The following TTC12 variants were observed in gnomAD, a reference collection of about 807,000 sequenced individuals.
TTC12 encodes the protein tetratricopeptide repeat domain 12, also known as tetratricopeptide repeat protein 12.
Under a neutral mutation model 90.1 loss-of-function variants are expected in TTC12, and 70 were observed. The observed-to-expected ratio is 0.78, with a 90% CI of 0.64 to 0.95. TTC12 has a LOEUF of 0.95. Among genes scored for constraint, TTC12 ranks in the 40% least tolerant of loss-of-function variants. TTC12 has a pLI of 0.00. For synonymous variants in TTC12, 296 were observed against 311.5 expected (o/e 0.95, Z 0.53); for missense variants, 819 against 846.1 (o/e 0.97, Z 0.40).
intron 21 of TTC12, among the ~76,000 whole-genome samples, chr11:113,372,462 G>A (rs1391532091): frequency 6.6e-6 from 1 of 152,178 alleles, no homozygotes; most frequent in East Asian, 1.9e-4. Context: ...CATTTGCTTA[G>A]TGTGTGTGCA....
chr11:113,326,012 C>T (rs1386400851), intron 6 of TTC12, among the ~76,000 whole-genome samples: 1 of 152,054 alleles, frequency 6.6e-6, no homozygotes, highest in Non-Finnish European at 1.5e-5. Context: ...CTGCTACCAA[C>T]ATATTTCTTC....
Position 113,366,315 on chromosome 11 carries a change from G to C in TTC12, c.*15G>C, listed in dbSNP as rs1333883679. The C allele has an allele frequency of 8.1e-6, 13 of 1,612,944 alleles. No individual in the cohort carries two copies. Among genetic ancestry groups the C allele is most frequent in the Non-Finnish European group, 1.0e-5 (12 of 1,180,012 alleles). On this transcript the variant is annotated 3_prime_UTR_variant, in exon 22 of 22. Transcript: ENST00000529221. The stretch of plus-strand genomic sequence containing the variant: ...GTGATTCTTGAGAGAGACAGGGTTT[G>C]TGTGCATTTGGGGAACACACAGATG...
chr11:113,341,963 G>A (rs369374169), intron 12 of TTC12, 38 bp downstream of exon 12: 22 of 1,548,028 alleles, frequency 1.4e-5, no homozygotes, highest in Middle Eastern at 3.4e-4. Flanking sequence ...CCATTAATGC[G>A]CTGCGTGCAG....
At chr11:113,365,155 C>A in intron 21 of TTC12, 95 bp downstream of exon 21, 1 of 1,111,290 alleles carries the variant, frequency 9.0e-7, no homozygotes, top group Non-Finnish European at 1.3e-6. Flanking sequence ...CCACACAGAA[C>A]AGTGTGGGAA....
At chr11:113,362,766 A>T (rs1950006099) in intron 19 of TTC12, among the ~76,000 whole-genome samples, 1 of 152,198 alleles carries the variant, frequency 6.6e-6, no homozygotes, top group Middle Eastern at 3.2e-3. Context: ...CTGACTTAAA[A>T]ATATATGGCC....
Position 113,352,223 on chromosome 11 carries a change from T to C in TTC12, c.1446+16T>C, listed in dbSNP as rs1555150652. The C allele has an allele frequency of 6.2e-7, 1 of 1,614,178 alleles. No homozygotes were observed. Among genetic ancestry groups the C allele is most frequent in the South Asian group, 1.1e-5 (1 of 91,090 alleles). ...GAGCCTCCTGGTATGTTAGCTTTTC[T>C]ATTCAAAATTGGTCTTTATCCTCTT... On this transcript the variant is annotated intron_variant, in intron 16 of 21. Transcript: ENST00000529221.
chr11:113,316,559 A>G (rs782040738), intron 2 of TTC12, among the ~76,000 whole-genome samples: 2 of 152,184 alleles, frequency 1.3e-5, no homozygotes, highest in African/African-American at 2.4e-5. Context: ...TTTCTTCCAT[A>G]TTTTGTATCC....
intron 10 of TTC12, among the ~76,000 whole-genome samples, chr11:113,340,443 A>G (rs559111028): frequency 1.3e-5 from 2 of 152,332 alleles, no homozygotes; most frequent in Admixed American, 1.3e-4. Context: ...CTCCTTCTCT[A>G]AACAGTCCCT....
At chr11:113,344,521 A>C in intron 13 of TTC12, 81 bp downstream of exon 13, 1 of 1,374,294 alleles carries the variant, frequency 7.3e-7, no homozygotes, top group Non-Finnish European at 1.0e-6. Context: ...CTCCCCTCCT[A>C]TCTCTGTTGT....
intron 14 of TTC12, 118 bp from the exon 15 acceptor site, chr11:113,351,121 C>G: frequency 1.1e-6 from 1 of 873,572 alleles, no homozygotes; most frequent in Non-Finnish European, 1.8e-6. Flanking sequence ...CTGAATTGTC[C>G]ATGCACACTC....
At chr11:113,363,959 T>C (rs1398362415) in intron 20 of TTC12, 32 bp downstream of exon 20, 1 of 1,465,822 alleles carries the variant, frequency 6.8e-7, no homozygotes, top group African/African-American at 1.4e-5. Context: ...GGAGCCCTTG[T>C]CCCAGAGGTT....
In TTC12 at chr11:113,340,747, T is replaced by C. The variant is rs1591568360; in HGVS notation, c.896+14T>C. ...GGTCATAAGAAGGTAGGGATGTTCA[T>C]AGAGACAGCCCAGCAGCAAAGCAAG... On this transcript the variant is annotated intron_variant, in intron 11 of 21. Transcript: ENST00000529221. 3 of 1,605,756 alleles carry C rather than the reference T, an allele frequency of 1.9e-6. No homozygotes were observed. Among genetic ancestry groups the C allele is most frequent in the South Asian group, 1.1e-5 (1 of 90,902 alleles).
At position 113,364,872 on chromosome 11, in the gene TTC12, T is replaced by A. The variant is rs1950123636; in HGVS notation, c.1854T>A (p.Asp618Glu). The change falls in exon 21 of 22, where the codon GAT (aspartate) becomes GAA (glutamate). Residue 618 changes from aspartate to glutamate, a missense_variant. By Grantham distance (45) the Asp-to-Glu change is conservative. Coordinates refer to ENST00000529221, the MANE Select transcript of TTC12 (RefSeq NM_017868.4). ...SVMMKLLSSE[D>E]EVLVGNAALC... ...TGATGAAGCTGCTCAGCTCGGAGGA[T>A]GAGGTTCTGGTGGGCAACGCTGCCC... 1 of 1,614,190 alleles carries A rather than the reference T, an allele frequency of 6.2e-7. No homozygotes were observed. The highest frequency in any genetic ancestry group is 8.5e-7 in the Non-Finnish European group (1 of 1,180,014).
intron 16 of TTC12, among the ~76,000 whole-genome samples, chr11:113,356,460 A>G (rs914932855): frequency 3.3e-5 from 5 of 152,136 alleles, no homozygotes; most frequent in Non-Finnish European, 2.9e-5. Flanking sequence ...TAGTATTGCT[A>G]TGTGTGGATT....
chr11:113,344,574 T>G, intron 13 of TTC12, 134 bp downstream of exon 13: 2 of 934,798 alleles, frequency 2.1e-6, no homozygotes, highest in South Asian at 3.4e-5. Flanking sequence ...TTGACAAGAG[T>G]GCTCTGTCAT....
At chr11:113,351,524 A>G (rs1305559117) in intron 15 of TTC12, among the ~76,000 whole-genome samples, 1 of 152,214 alleles carries the variant, frequency 6.6e-6, no homozygotes, top group Non-Finnish European at 1.5e-5. Context: ...AAAGCTGGAT[A>G]TGGGTGGCAT....
In TTC12 at chr11:113,318,609, T is replaced by TGG. The variant is rs34348455; in HGVS notation, c.58+2300_58+2301dup. Among the ~76,000 whole-genome samples the TGG allele has an allele frequency of 4.5e-3, 686 of 152,100 alleles. 10 individuals are homozygous for TGG. Among genetic ancestry groups the TGG allele is most frequent in the South Asian group, 0.026 (123 of 4,822 alleles). Reference sequence around the variant, plus strand: ...GTTATAGCTTCAACATGTGAATTTTTGGGGGGGATGCAATTTAGTCCATAA... The same window carrying TGG: ...GTTATAGCTTCAACATGTGAATTTTTGGGGGGGGGATGCAATTTAGTCCATAA... On this transcript the variant is annotated intron_variant, in intron 2 of 21. Coordinates refer to ENST00000529221, the MANE Select transcript of TTC12 (RefSeq NM_017868.4).
chr11:113,369,530 C>T (rs912765441), downstream of TTC12, among the ~76,000 whole-genome samples: 2 of 151,138 alleles, frequency 1.3e-5, no homozygotes, highest in African/African-American at 4.9e-5. Flanking sequence ...GTATTATCTC[C>T]ACTTTACAGG....
At chr11:113,345,559 A>G (rs1948906076) in intron 13 of TTC12, among the ~76,000 whole-genome samples, 2 of 152,130 alleles carry the variant, frequency 1.3e-5, no homozygotes, top group Non-Finnish European at 2.9e-5. Flanking sequence ...ATGTAGGTCC[A>G]TGTGTGCCGT....
Sources: gnomAD v4.1 joint callset for allele counts (sites outside exome capture counted in the v4.1 genomes callset) on GRCh38, gnomAD v4.1.1 for gene constraint, MANE v1.5 for transcripts, NCBI Gene and HGNC (gene_info 2026-07-23, HGNC 2026-07-21) for gene names.